Variants in DEPDC5 observed in about 807,000 individuals in gnomAD.
The protein encoded by DEPDC5 is DEP domain containing 5, GATOR1 subcomplex subunit, also known as GATOR1 complex protein DEPDC5.
A neutral mutation model predicts 217.3 loss-of-function variants in DEPDC5; 73 were observed. That is an observed-to-expected ratio of 0.34 (90% CI 0.28 to 0.41). The LOEUF (loss-of-function observed/expected upper bound fraction) is 0.41, where lower values mean the gene tolerates loss of function less well. Among genes scored for constraint, DEPDC5 ranks in the 10% least tolerant of loss-of-function variants. The probability of loss-of-function intolerance (pLI) is 1.00; values close to 1 mark genes in which losing one functional copy is unlikely to be tolerated. For missense variants in DEPDC5, 1,675 were observed against 2,070.1 expected (o/e 0.81, Z 3.70); for synonymous variants, 733 against 756.7 (o/e 0.97, Z 0.51).
chr22:31,816,151 T>C (rs1602109565), intron 21 of DEPDC5, among the ~76,000 whole-genome samples: 1 of 151,762 alleles, frequency 6.6e-6, no homozygotes, highest in Admixed American at 6.6e-5. Context: ...AATACAAAAA[T>C]TAGCTAGGTG....
chr22:31,802,627 G>A (rs974530143), intron 14 of DEPDC5, 77 bp from the exon 15 acceptor site: 185 of 1,422,914 alleles, frequency 1.3e-4, no homozygotes, highest in Middle Eastern at 1.9e-4. Flanking sequence ...TGCTCTGAGA[G>A]TGTAGAGATG....
At chr22:31,888,785 A>G (rs557272265) in intron 38 of DEPDC5, among the ~76,000 whole-genome samples, 71 of 152,158 alleles carry the variant, frequency 4.7e-4, no homozygotes, top group East Asian at 7.7e-4. Flanking sequence ...GGCTCAAGCA[A>G]TCCTCCCACC....
At chr22:31,794,725 A>AAATACCAT (rs2086047341) in intron 12 of DEPDC5, among the ~76,000 whole-genome samples, 1 of 152,120 alleles carries the variant, frequency 6.6e-6, no homozygotes, top group Admixed American at 6.6e-5. Context: ...CTCTACAAAA[A>AAATACCAT]AATACCATAA....
intron 31 of DEPDC5, among the ~76,000 whole-genome samples, chr22:31,849,211 CA>C (rs551019955): frequency 1.1e-3 from 170 of 152,268 alleles, no homozygotes; most frequent in African/African-American, 3.9e-3. Context: ...TACCCAATTC[CA>C]AAGTCGCTTC....
intron 15 of DEPDC5, among the ~76,000 whole-genome samples, chr22:31,803,883 T>G (rs538700196): frequency 6.6e-6 from 1 of 152,348 alleles, no homozygotes; most frequent in African/African-American, 2.4e-5. Context: ...ACATGGAAGT[T>G]TGGTTGTCTT....
At chr22:31,898,722 G>A (rs1175087606) in intron 40 of DEPDC5, among the ~76,000 whole-genome samples, 4 of 152,142 alleles carry the variant, frequency 2.6e-5, no homozygotes, top group Non-Finnish European at 4.4e-5. Flanking sequence ...AAGCCCATCC[G>A]TGTATTTTTT....
In DEPDC5 at chr22:31,833,437, G is replaced by A. The variant is rs1440029684; in HGVS notation, c.2105-478G>A. On this transcript the variant is annotated intron_variant, in intron 24 of 42. Coordinates refer to ENST00000651528, the MANE Select transcript of DEPDC5 (RefSeq NM_001242896.3). The stretch of plus-strand genomic sequence containing the variant: ...TGGGGAAGAAAATTCCAGAAGATAA[G>A]GATGGCTGATGAGTGGATTAAATTT... Among the ~76,000 whole-genome samples, 4 of 152,268 alleles carry A rather than the reference G, an allele frequency of 2.6e-5. No homozygotes were observed. The East Asian group carries it at 7.7e-4, about 29-fold the overall frequency.
intron 33 of DEPDC5, among the ~76,000 whole-genome samples, chr22:31,862,414 A>G (rs2092548793): frequency 6.6e-6 from 1 of 151,540 alleles, no homozygotes; most frequent in South Asian, 2.1e-4. Flanking sequence ...AAATTGCAAA[A>G]AGTAGTCGGG....
At chr22:31,798,224 C>G (rs1247442739) in intron 13 of DEPDC5, among the ~76,000 whole-genome samples, 1 of 152,086 alleles carries the variant, frequency 6.6e-6, no homozygotes, top group Non-Finnish European at 1.5e-5. Flanking sequence ...TGCTCAGCTG[C>G]CACTTATTTA....
chr22:31,826,691 T>A (rs1276809174), intron 24 of DEPDC5, among the ~76,000 whole-genome samples: 1 of 152,204 alleles, frequency 6.6e-6, no homozygotes, highest in Non-Finnish European at 1.5e-5. Context: ...CAACTTGGCA[T>A]GTTGTGATCT....
At chr22:31,821,727 T>C (rs772354767) in intron 23 of DEPDC5, 90 bp downstream of exon 23, 8 of 1,539,162 alleles carry the variant, frequency 5.2e-6, no homozygotes, top group Non-Finnish European at 7.1e-6. Context: ...GACAAAATGT[T>C]GTTTAGAAGA....
chr22:31,815,000 G>A lies in DEPDC5; in HGVS notation c.1454G>A (p.Arg485Gln), dbSNP rs886039278. The A allele has an allele frequency of 6.2e-6, 10 of 1,613,938 alleles. No homozygotes were observed. Among genetic ancestry groups the A allele is most frequent in the South Asian group, 4.4e-5 (4 of 91,080 alleles). ...AQCLTTCRSV[R>Q]ERESHSRKSA... ...TGTCTCTTGCCTGGCAGATCTGTGC[G>A]AGAGCGAGAGAGTCACAGTCGAAAG... Residue 485 changes from arginine (R) to glutamine (Q), a missense_variant, in exon 21 of 43, where the codon CGA becomes CAA. By Grantham distance (43) the Arg-to-Gln change is conservative. Coordinates refer to ENST00000651528, the MANE Select transcript of DEPDC5 (RefSeq NM_001242896.3).
chr22:31,834,995 A>G (rs1302727438), intron 25 of DEPDC5, among the ~76,000 whole-genome samples: 1 of 152,156 alleles, frequency 6.6e-6, no homozygotes, highest in Non-Finnish European at 1.5e-5. Flanking sequence ...TAATGCAGCT[A>G]TGATAATACC....
At chr22:31,824,844 C>T (rs1047824735) in intron 24 of DEPDC5, among the ~76,000 whole-genome samples, 10 of 151,750 alleles carry the variant, frequency 6.6e-5, no homozygotes, top group South Asian at 6.2e-4. Context: ...GGCGTGGTGG[C>T]GGGCACCTGT....
chr22:31,889,024 G>A (rs139518585), intron 38 of DEPDC5, among the ~76,000 whole-genome samples: 67 of 152,252 alleles, frequency 4.4e-4, no homozygotes, highest in Non-Finnish European at 4.3e-4. Flanking sequence ...TTCTGTACCT[G>A]GGCACCTCTG....
chr22:31,785,171 C>T (rs533318078), intron 10 of DEPDC5: 1 of 222,390 alleles, frequency 4.5e-6, no homozygotes, highest in African/African-American at 2.3e-5. Context: ...CTAGACAGAC[C>T]ACCTAGGCAA....
intron 27 of DEPDC5, among the ~76,000 whole-genome samples, 188 bp from the exon 28 acceptor site, chr22:31,842,907 T>C (rs1035755858): frequency 6.6e-6 from 1 of 152,210 alleles, no homozygotes; most frequent in African/African-American, 2.4e-5. Context: ...GTTGGTTTAA[T>C]AACAGAAAAA....
intron 20 of DEPDC5, 35 bp from the exon 21 acceptor site, chr22:31,814,957 C>A: frequency 6.2e-7 from 1 of 1,610,430 alleles, no homozygotes; most frequent in Non-Finnish European, 8.5e-7. Context: ...CAGCATCCCT[C>A]GCTTGATGGT....
chr22:31,838,198 G>C (rs997283363), intron 26 of DEPDC5, among the ~76,000 whole-genome samples: 1 of 152,082 alleles, frequency 6.6e-6, no homozygotes, highest in Non-Finnish European at 1.5e-5. Flanking sequence ...TGGGCATTGA[G>C]TTACCTGCCT....
Sources: gnomAD v4.1 joint callset for allele counts (sites outside exome capture counted in the v4.1 genomes callset) on GRCh38, gnomAD v4.1.1 for gene constraint, MANE v1.5 for transcripts, NCBI Gene and HGNC (gene_info 2026-07-23, HGNC 2026-07-21) for gene names.